HDGFL2: variants seen among roughly 807,000 people sequenced by gnomAD.
HDGFL2 encodes HDGF like 2.
A neutral mutation model predicts 77.1 loss-of-function variants in HDGFL2; 36 were observed. The observed-to-expected ratio is 0.47, with a 90% confidence interval of 0.36 to 0.62. The LOEUF (loss-of-function observed/expected upper bound fraction) is 0.62. Among genes scored for constraint, HDGFL2 ranks in the 20% least tolerant of loss-of-function variants. The pLI, the probability that HDGFL2 is intolerant of heterozygous loss-of-function variation, is 0.00. For synonymous variants in HDGFL2, 463 were observed against 413.1 expected, an observed-to-expected ratio of 1.12 and a Z score of -1.46; for missense variants, 976 against 973.4, an observed-to-expected ratio of 1.00 and a Z score of -0.04.
Position 4,493,857 on chromosome 19 carries a change from A to C in HDGFL2, c.833A>C (p.Lys278Thr). The stretch of plus-strand genomic sequence containing the variant: ...GTGAAGAAGCCTCCGAGGGGCAGGA[A>C]GCCAGGTAGGGCCCTCGTGCTCGCA... ...VSVKKPPRGR[K>T]PAEKPLPKPR... Residue 278 changes from lysine (K) to threonine (T), a missense_variant, in exon 7 of 16, where the codon AAG becomes ACG. Lys to Thr is a moderately conservative substitution (Grantham distance 78, BLOSUM62 -1). Coordinates refer to ENST00000616600, the MANE Select transcript of HDGFL2 (RefSeq NM_001001520.3). 6.6e-7 allele frequency: 1 copy of C among 1,507,082 alleles called. No individual in the cohort carries two copies. The highest frequency in any genetic ancestry group is 1.3e-5 in the South Asian group (1 of 78,862). The allele number at this position is 1,507,082 out of a possible 1,614,324, so 93.4% of individuals were successfully genotyped here.
At position 4,494,064 on chromosome 19, in the gene HDGFL2, G is replaced by C. The variant is rs758525198; in HGVS notation, c.914+7G>C. 1 of 1,594,858 alleles carries C rather than the reference G, an allele frequency of 6.3e-7. No homozygotes were observed. Among genetic ancestry groups the C allele is most frequent in the Non-Finnish European group, 8.5e-7 (1 of 1,171,098 alleles). On this transcript the variant is annotated splice_region_variant and intron_variant, in intron 8 of 15. Transcript: ENST00000616600. ...CCAGCTCCAGCAGTGACAGGTGGGT[G>C]CTGGGGCTGGGGTCCCCTCTGGCGG...
intron 3 of HDGFL2, among the ~76,000 whole-genome samples, chr19:4,486,065 A>C (rs1449166437): frequency 1.3e-5 from 2 of 150,874 alleles, no homozygotes; most frequent in East Asian, 1.9e-4. Flanking sequence ...AAAAAAAAAA[A>C]AAAAAACAAC....
chr19:4,488,566 C>G, intron 3 of HDGFL2, 110 bp from the exon 4 acceptor site: 3 of 978,546 alleles, frequency 3.1e-6, no homozygotes, highest in Non-Finnish European at 4.5e-6. Context: ...AGACAACACG[C>G]CTGACATTCA....
Position 4,497,993 on chromosome 19 carries a change from A to G in HDGFL2, c.1364A>G (p.Glu455Gly). The change falls in exon 11 of 16, where the codon GAG (glutamate) becomes GGG (glycine). Residue 455 changes from glutamate to glycine, a missense_variant. Glu to Gly is a moderately conservative substitution (Grantham distance 98). This residue lies in a region of HDGFL2 where 567 missense variants were observed against 534.7 expected (regional missense o/e 1.06). Transcript: ENST00000616600. ...GTGGAGCGGACCCGGAAGCGGTCCGAGGGCTTCTCGATGGACAGGAAGGTA... is the reference window on the plus strand; with the variant it reads ...GTGGAGCGGACCCGGAAGCGGTCCGGGGGCTTCTCGATGGACAGGAAGGTA... Reference protein sequence around the residue: ...VKVERTRKRSEGFSMDRKVEK... With the variant: ...VKVERTRKRSGGFSMDRKVEK... The G allele has an allele frequency of 6.4e-7, 1 of 1,556,526 alleles. No individual in the cohort carries two copies. The highest frequency in any genetic ancestry group is 8.7e-7 in the Non-Finnish European group (1 of 1,149,748).
chr19:4,492,763 G>A (rs1975555333), intron 6 of HDGFL2, among the ~76,000 whole-genome samples: 1 of 131,950 alleles, frequency 7.6e-6, no homozygotes, highest in South Asian at 2.3e-4. Flanking sequence ...TGTGTCTGGT[G>A]TGTCTGTGTC....
chr19:4,496,273 C>T (rs771405685), intron 9 of HDGFL2, 29 bp from the exon 10 acceptor site: 6 of 1,590,212 alleles, frequency 3.8e-6, no homozygotes, highest in Admixed American at 1.7e-5. Context: ...CTTCCCACTG[C>T]TCCAGCGCGC....
At chr19:4,488,419 T>C (rs114859386) in intron 3 of HDGFL2, among the ~76,000 whole-genome samples, 12,010 of 152,054 alleles carry the variant, frequency 0.079, 531 homozygotes, top group African/African-American at 0.13. Context: ...GCACAGAGGG[T>C]TGAAGTCATT....
Position 4,501,280 on chromosome 19 carries a change from G to A in HDGFL2, c.1879G>A (p.Glu627Lys), listed in dbSNP as rs1218764033. ...GCACGAGGAGGGTCGGGACTCGGAGGAGGGGCCAAGGTGTGGCTCCTCTGA... is the reference window on the plus strand; with the variant it reads ...GCACGAGGAGGGTCGGGACTCGGAGAAGGGGCCAAGGTGTGGCTCCTCTGA... ...KEHEEGRDSE[E>K]GPRCGSSEDL... is the part of the protein sequence containing the mutation. The change falls in exon 15 of 16, where the codon GAG becomes AAG. Residue 627 changes from glutamate to lysine, a missense_variant. Glu to Lys is a moderately conservative substitution (Grantham distance 56). This residue lies in a region of HDGFL2 where 229 missense variants were observed against 187.3 expected (regional missense o/e 1.22). Transcript: ENST00000616600. 2.5e-6 allele frequency: 4 copies of A among 1,611,550 alleles called. No homozygotes were observed. The highest frequency in any genetic ancestry group is 3.4e-6 in the Non-Finnish European group (4 of 1,178,610).
intron 3 of HDGFL2, among the ~76,000 whole-genome samples, chr19:4,487,565 A>G (rs762015327): frequency 1.3e-4 from 20 of 152,012 alleles, no homozygotes; most frequent in Non-Finnish European, 2.8e-4. Flanking sequence ...TCCCCTCTGA[A>G]TCCTTACAAC....
At chr19:4,480,090 C>T (rs1975176511) in intron 3 of HDGFL2, among the ~76,000 whole-genome samples, 3 of 152,046 alleles carry the variant, frequency 2.0e-5, no homozygotes, top group South Asian at 2.1e-4. Context: ...TGTTGAGCAG[C>T]ATCTCTGGCC....
chr19:4,493,810 CT>C lies in HDGFL2; in HGVS notation c.787del (p.Ser263ProfsTer8). The stretch of plus-strand genomic sequence containing the variant: ...CGTCCTCCTCCTCCTCTTCCTCCTC[CT>C]CCTCCGACTCCGATGTGTCTGTGAA... ...SASSSSSSSS[S>X]SDSDVSVKKP... On this transcript the variant is annotated frameshift_variant, in exon 7 of 16. Coordinates refer to ENST00000616600, the MANE Select transcript of HDGFL2 (RefSeq NM_001001520.3). LOFTEE classifies it high-confidence loss of function. 1 of 1,538,640 alleles carries C rather than the reference CT, an allele frequency of 6.5e-7. No individual in the cohort carries two copies. The highest frequency in any genetic ancestry group is 8.8e-7 in the Non-Finnish European group (1 of 1,138,854).
rs1599724557 is a variant in HDGFL2 at position 4,498,340 on chromosome 19, C to T, written c.1437C>T (p.His479=). ...PSVEEKLQKL[H]SEIKFALKVD... is the part of the protein sequence containing the mutation. ...TGGAGGAGAAGCTGCAGAAGCTGCA[C>T]AGTGAGATCAAGTTTGCCCTAAAGG... is the stretch of plus-strand genomic sequence containing the variant. Residue 479 remains histidine (H), a synonymous_variant, in exon 12 of 16, where the codon CAC becomes CAT. Transcript: ENST00000616600. 6.2e-7 allele frequency: 1 copy of T among 1,613,780 alleles called. No homozygotes were observed. Among genetic ancestry groups the T allele is most frequent in the Non-Finnish European group, 8.5e-7 (1 of 1,179,968 alleles).
chr19:4,491,339 C>T (rs957251897), intron 4 of HDGFL2, among the ~76,000 whole-genome samples: 3 of 144,444 alleles, frequency 2.1e-5, no homozygotes, highest in South Asian at 4.8e-4. Flanking sequence ...GTCTGATGGC[C>T]CTAGGGACCT....
At chr19:4,493,070 G>C (rs893597418) in intron 6 of HDGFL2, among the ~76,000 whole-genome samples, 7 of 98,742 alleles carry the variant, frequency 7.1e-5, no homozygotes, top group Non-Finnish European at 1.4e-4. Context: ...TGTTGTCTGT[G>C]TGTGGTGTGT....
chr19:4,482,026 CTTT>C (rs34398630), intron 3 of HDGFL2, among the ~76,000 whole-genome samples: 1 of 71,658 alleles, frequency 1.4e-5, no homozygotes, highest in Non-Finnish European at 2.4e-5. Flanking sequence ...TGGCTTTGGC[CTTT>C]TTTTTTTTTT....
intron 6 of HDGFL2, 96 bp from the exon 7 acceptor site, chr19:4,493,607 G>GC (rs1975607165): frequency 7.8e-7 from 1 of 1,287,862 alleles, no homozygotes; most frequent in Non-Finnish European, 9.9e-7. Flanking sequence ...GCAGAGCCTG[G>GC]CGGCTGCAGG....
intron 4 of HDGFL2, among the ~76,000 whole-genome samples, chr19:4,490,142 C>T (rs898810605): frequency 1.3e-5 from 2 of 152,110 alleles, no homozygotes; most frequent in Non-Finnish European, 2.9e-5. Flanking sequence ...GGCTGGAGTG[C>T]AATGGCATGA....
chr19:4,474,400 A>T (rs967606067), intron 1 of HDGFL2, among the ~76,000 whole-genome samples: 2 of 152,012 alleles, frequency 1.3e-5, no homozygotes, highest in African/African-American at 4.8e-5. Context: ...CGGGAGAGGG[A>T]TGCTGGGCCT....
chr19:4,499,644 G>A lies in HDGFL2; in HGVS notation c.1729G>A (p.Gly577Arg), dbSNP rs1001348725. The A allele has an allele frequency of 1.0e-3, 1,592 of 1,585,012 alleles. 9 individuals are homozygous for A. The highest frequency in any genetic ancestry group is 4.9e-4 in the Non-Finnish European group (569 of 1,165,076). Residue 577 changes from glycine to arginine, a missense_variant, in exon 14 of 16, where the codon GGG becomes AGG. By Grantham distance (125) the Gly-to-Arg change is moderately radical (BLOSUM62 -2). Around this residue, in one of 5 missense-constraint regions of HDGFL2, gnomAD observed 229 missense variants for 187.3 expected, o/e 1.22. Transcript: ENST00000616600. ...GGAGAAGGCCGAGGAGAAGCTGGCC[G>A]GGGAGGAGCTGGCCGGGGAGGAGGC... ...EKEKAEEKLA[G>R]EELAGEEAPQ...
Sources: allele counts gnomAD v4.1 joint callset (sites outside exome capture counted in the v4.1 genomes callset), GRCh38; gene constraint gnomAD v4.1.1; regional missense constraint gnomAD v4.1.1; transcripts MANE v1.5; gene names NCBI Gene and HGNC (gene_info 2026-07-23, HGNC 2026-07-21).